DAB1: variants seen among roughly 807,000 people sequenced by gnomAD.
DAB1 encodes DAB adaptor protein 1.
In DAB1, 15 loss-of-function variants were observed where a neutral mutation model predicts 64.6. That is an observed-to-expected ratio of 0.23 (90% confidence interval 0.16 to 0.36). The LOEUF is 0.36. Ranked by LOEUF, DAB1 falls within the 10% of genes least tolerant of loss-of-function variation. DAB1 has a pLI of 1.00. For missense variants in DAB1, 596 were observed against 706.7 expected (o/e 0.84, Z 1.78); for synonymous variants, 235 against 251.9 (o/e 0.93, Z 0.64).
At chr1:57,311,757 C>T (rs184185587) in intron 1 of DAB1, among the ~76,000 whole-genome samples, 152 of 152,316 alleles carry the variant, frequency 1.0e-3, no homozygotes, top group South Asian at 6.2e-3. Flanking sequence ...CAGTGGACAC[C>T]TTAACTCAAA....
At chr1:58,519,577 G>GA (rs965702899) in intron 2 of DAB1, among the ~76,000 whole-genome samples, 13 of 150,518 alleles carry the variant, frequency 8.6e-5, no homozygotes, top group Non-Finnish European at 1.3e-4. Flanking sequence ...ACCTCTGATG[G>GA]AAAAAAAAAA....
At chr1:58,492,787 C>G (rs1188483963) in intron 3 of DAB1, among the ~76,000 whole-genome samples, 1 of 151,922 alleles carries the variant, frequency 6.6e-6, no homozygotes, top group South Asian at 2.1e-4. Context: ...GCTTACCAAC[C>G]AAAAAAAGTC....
intron 5 of DAB1, among the ~76,000 whole-genome samples, chr1:57,968,863 T>C (rs1645731420): frequency 6.6e-6 from 1 of 152,216 alleles, no homozygotes; most frequent in South Asian, 2.1e-4. Context: ...CCTACCCAGC[T>C]ATAACTCTAG....
chr1:58,475,730 C>T (rs549645494), intron 3 of DAB1, among the ~76,000 whole-genome samples: 3 of 152,222 alleles, frequency 2.0e-5, no homozygotes, highest in East Asian at 1.9e-4. Flanking sequence ...AGCATATACA[C>T]GTTACTATAT....
At chr1:57,658,470 A>AT (rs1194527615) in intron 6 of DAB1, among the ~76,000 whole-genome samples, 5 of 151,206 alleles carry the variant, frequency 3.3e-5, no homozygotes, top group African/African-American at 1.2e-4. Flanking sequence ...TGCCCGGCTA[A>AT]TTTTTTGTAT....
Position 57,819,253 on chromosome 1 carries a change from C to T in DAB1, n.551+64746G>A, listed in dbSNP as rs367754569. On this transcript the variant is annotated intron_variant and non_coding_transcript_variant, in intron 6 of 20. Transcript: ENST00000485760. ...TTGAAAGCATCTCCTTTGCTTTGTT[C>T]GTGTTAATTATTTCTGAAATATAAG... Among the ~76,000 whole-genome samples the T allele has an allele frequency of 1.1e-4, 17 of 152,262 alleles. No individual in the cohort carries two copies. The South Asian group carries it at 3.3e-3, about 30-fold the overall frequency.
chr1:57,142,335 T>C (rs1570768562), intron 3 of DAB1, among the ~76,000 whole-genome samples: 1 of 152,172 alleles, frequency 6.6e-6, no homozygotes, highest in East Asian at 1.9e-4. Flanking sequence ...TATTTTGTAC[T>C]TCTCTCTTAC....
chr1:58,514,806 C>T (rs1210953892), intron 2 of DAB1, among the ~76,000 whole-genome samples: 1 of 152,128 alleles, frequency 6.6e-6, no homozygotes, highest in Non-Finnish European at 1.5e-5. Context: ...TTGTTTCCAG[C>T]AGGCAAATAT....
chr1:57,013,427 C>A (rs947703970), intron 12 of DAB1, among the ~76,000 whole-genome samples: 1 of 152,152 alleles, frequency 6.6e-6, no homozygotes, highest in Non-Finnish European at 1.5e-5. Context: ...GCTGTCATTT[C>A]TTTAACATTT....
chr1:57,388,386 C>T (rs1682062626), intron 1 of DAB1, among the ~76,000 whole-genome samples: 1 of 152,170 alleles, frequency 6.6e-6, no homozygotes, highest in East Asian at 1.9e-4. Context: ...CCTCAGAGTC[C>T]CATGGGCCTC....
intron 5 of DAB1, among the ~76,000 whole-genome samples, chr1:58,036,303 C>G (rs747284495): frequency 1.3e-5 from 2 of 152,192 alleles, no homozygotes; most frequent in Admixed American, 1.3e-4. Context: ...AGGTTAACAA[C>G]TTGCCCAAGG....
intron 1 of DAB1, among the ~76,000 whole-genome samples, chr1:57,353,894 A>G: frequency 6.6e-6 from 1 of 152,194 alleles, no homozygotes; most frequent in Admixed American, 6.5e-5. Flanking sequence ...AGGCAGCCGG[A>G]TGTTATCTAT....
intron 4 of DAB1, among the ~76,000 whole-genome samples, chr1:58,177,593 G>A (rs546222920): frequency 6.6e-6 from 1 of 152,216 alleles, no homozygotes; most frequent in South Asian, 2.1e-4. Context: ...CTGTTGTACT[G>A]TAGATTTAGG....
intron 6 of DAB1, among the ~76,000 whole-genome samples, chr1:57,661,228 G>A (rs982521503): frequency 1.5e-4 from 23 of 152,180 alleles, no homozygotes; most frequent in Admixed American, 1.3e-3. Flanking sequence ...AAGGCAGGGA[G>A]GCAGATTGTT....
chr1:57,427,138 C>G (rs997971603), upstream of DAB1, among the ~76,000 whole-genome samples: 7 of 152,192 alleles, frequency 4.6e-5, no homozygotes, highest in Admixed American at 4.6e-4. Context: ...GCTGGGATTA[C>G]AGGCGTGAGC....
chr1:57,874,386 C>T (rs1644007884), intron 1 of DAB1: 1 of 152,038 alleles, frequency 6.6e-6, no homozygotes. Flanking sequence ...CAGAAGCCAC[C>T]AGAGAAAAAT....
rs371412699 is a variant in DAB1 at position 58,171,431 on chromosome 1, C to A, written n.310-20843G>T. ...CACTCCAATTCTGGGAGTACAAAAGCTGAATGGTCAGTGGAGGCTAGTGCA... is the reference window on the plus strand; with the variant it reads ...CACTCCAATTCTGGGAGTACAAAAGATGAATGGTCAGTGGAGGCTAGTGCA... On this transcript the variant is annotated intron_variant and non_coding_transcript_variant, in intron 4 of 20. Transcript: ENST00000485760. Among the ~76,000 whole-genome samples, 3 of 152,210 alleles carry A rather than the reference C, an allele frequency of 2.0e-5. No individual in the cohort carries two copies. The East Asian group carries it at 5.8e-4, about 29-fold the overall frequency.
At chr1:58,457,376 A>T (rs971031889) in intron 3 of DAB1, among the ~76,000 whole-genome samples, 1 of 151,978 alleles carries the variant, frequency 6.6e-6, no homozygotes, top group South Asian at 2.1e-4. Flanking sequence ...GGTAGTGAGA[A>T]AAAGAGTCCC....
At chr1:57,541,288 C>T (rs114252798) in intron 7 of DAB1, among the ~76,000 whole-genome samples, 1 of 152,184 alleles carries the variant, frequency 6.6e-6, no homozygotes, top group African/African-American at 2.4e-5. Flanking sequence ...GCCACCACGC[C>T]CAGCTAATTT....
Sources: allele counts gnomAD v4.1 joint callset (sites outside exome capture counted in the v4.1 genomes callset), GRCh38; gene constraint gnomAD v4.1.1; transcripts MANE v1.5; gene names NCBI Gene and HGNC (gene_info 2026-07-23, HGNC 2026-07-21).